ST6GALNAC5: variants seen among roughly 807,000 people sequenced by gnomAD.
ST6GALNAC5 encodes alpha-N-acetylgalactosaminide alpha-2,6-sialyltransferase 5.
Under a neutral mutation model 33.6 loss-of-function variants are expected in ST6GALNAC5, and 27 were observed. The observed-to-expected ratio is 0.80, with a 90% CI of 0.59 to 1.11. The LOEUF (loss-of-function observed/expected upper bound fraction) is 1.11, where lower values mean the gene tolerates loss of function less well. Among genes scored for constraint, ST6GALNAC5 ranks in the 50% least tolerant of loss-of-function variants. The probability of loss-of-function intolerance (pLI) is 0.00; values close to 1 mark genes in which losing one functional copy is unlikely to be tolerated. For missense variants in ST6GALNAC5, 428 were observed against 454.0 expected (o/e 0.94, Z 0.52); for synonymous variants, 194 against 171.2 (o/e 1.13, Z -1.04).
At chr1:76,957,328 A>G (rs896184585) in intron 2 of ST6GALNAC5, among the ~76,000 whole-genome samples, 4 of 152,128 alleles carry the variant, frequency 2.6e-5, no homozygotes, top group South Asian at 2.1e-4. Context: ...TTGACATCAC[A>G]TGGCACTTGG....
At chr1:76,897,627 G>A (rs1422489922) in intron 2 of ST6GALNAC5, among the ~76,000 whole-genome samples, 3 of 149,560 alleles carry the variant, frequency 2.0e-5, no homozygotes, top group South Asian at 2.1e-4. Context: ...AAGGTGGGGG[G>A]ATACAAGAGG....
intron 2 of ST6GALNAC5, among the ~76,000 whole-genome samples, chr1:76,891,945 G>A (rs764084015): frequency 1.2e-4 from 18 of 152,154 alleles, no homozygotes; most frequent in Admixed American, 2.6e-4. Context: ...GGCATCATAT[G>A]TACTTACAAG....
intron 4 of ST6GALNAC5, among the ~76,000 whole-genome samples, chr1:77,051,729 G>T (rs567996547): frequency 6.6e-6 from 1 of 152,238 alleles, no homozygotes; most frequent in East Asian, 1.9e-4. Context: ...TACACAAAAA[G>T]TAAGTAGAAT....
Position 76,867,528 on chromosome 1 carries a change from C to T in ST6GALNAC5, c.-148C>T. ...CTGCAACAGCCGCGCTTCCCGGGTC[C>T]CGCGGCTCCCGCGCGCGATCTGCCG... On this transcript the variant is annotated 5_prime_UTR_variant, in exon 1 of 5. Transcript: ENST00000477717. 1 of 1,235,588 alleles carries T rather than the reference C, an allele frequency of 8.1e-7. No homozygotes were observed. The highest frequency in any genetic ancestry group is 2.3e-5 in the East Asian group (1 of 43,028). The allele number at this position is 1,235,588 out of a possible 1,614,324, so 76.5% of individuals were successfully genotyped here. A position where few individuals can be genotyped will look rare whatever the true frequency, so the allele number is the denominator to read the frequency against.
At chr1:76,913,186 T>C (rs1212466287) in intron 2 of ST6GALNAC5, among the ~76,000 whole-genome samples, 1 of 151,412 alleles carries the variant, frequency 6.6e-6, no homozygotes, top group African/African-American at 2.4e-5. Flanking sequence ...GAAGCTTAGT[T>C]TGGCTGGATA....
intron 2 of ST6GALNAC5, among the ~76,000 whole-genome samples, chr1:77,017,432 G>GGCAA (rs1650892786): frequency 6.6e-6 from 1 of 152,106 alleles, no homozygotes; most frequent in Non-Finnish European, 1.5e-5. Flanking sequence ...GCTCTCCATG[G>GGCAA]GCAAGGCTGG....
chr1:76,999,500 A>G (rs1318165292), intron 2 of ST6GALNAC5, among the ~76,000 whole-genome samples: 6 of 151,214 alleles, frequency 4.0e-5, no homozygotes, highest in Admixed American at 4.0e-4. Context: ...TTTTTTTTCA[A>G]TTATTATACT....
chr1:77,056,073 C>A (rs1050012607), intron 4 of ST6GALNAC5, among the ~76,000 whole-genome samples: 5 of 152,320 alleles, frequency 3.3e-5, no homozygotes, highest in Middle Eastern at 3.4e-3. Context: ...GGGGCTCAGG[C>A]ATCAGCCCCC....
At chr1:76,892,043 C>T (rs1654024914) in intron 2 of ST6GALNAC5, among the ~76,000 whole-genome samples, 1 of 152,172 alleles carries the variant, frequency 6.6e-6, no homozygotes, top group Non-Finnish European at 1.5e-5. Context: ...GATGACTGTG[C>T]AGCCGAGAAT....
intron 2 of ST6GALNAC5, among the ~76,000 whole-genome samples, chr1:77,042,553 C>T (rs1376189185): frequency 2.6e-5 from 4 of 152,208 alleles, no homozygotes; most frequent in Admixed American, 2.0e-4. Context: ...CTGCTGATAT[C>T]GTGAGTACTT....
intron 2 of ST6GALNAC5, among the ~76,000 whole-genome samples, chr1:77,036,285 T>C (rs1313973037): frequency 6.6e-6 from 1 of 152,226 alleles, no homozygotes; most frequent in African/African-American, 2.4e-5. Flanking sequence ...TGACTATAAA[T>C]GGACATGAGA....
intron 2 of ST6GALNAC5, among the ~76,000 whole-genome samples, chr1:76,869,676 T>C (rs1269085023): frequency 6.6e-6 from 1 of 152,228 alleles, no homozygotes; most frequent in Non-Finnish European, 1.5e-5. Context: ...GCTCCTTTTG[T>C]GTGCAAAGGT....
At chr1:76,937,300 T>A (rs923236656) in intron 2 of ST6GALNAC5, among the ~76,000 whole-genome samples, 2 of 151,920 alleles carry the variant, frequency 1.3e-5, no homozygotes, top group Non-Finnish European at 2.9e-5. Context: ...TTTTGCAAAA[T>A]CACACAGTAA....
At chr1:77,019,306 T>A (rs537704951) in intron 2 of ST6GALNAC5, among the ~76,000 whole-genome samples, 8 of 152,348 alleles carry the variant, frequency 5.3e-5, no homozygotes, top group Admixed American at 4.6e-4. Flanking sequence ...TGCAGGGCAG[T>A]GCACTTTGTC....
At chr1:76,874,682 C>T (rs1333107423) in intron 2 of ST6GALNAC5, among the ~76,000 whole-genome samples, 1 of 152,174 alleles carries the variant, frequency 6.6e-6, no homozygotes, top group Admixed American at 6.5e-5. Context: ...AGATTGTGCT[C>T]ATGAGATTAA....
intron 2 of ST6GALNAC5, among the ~76,000 whole-genome samples, chr1:76,887,979 C>T (rs1000695839): frequency 7.9e-5 from 12 of 152,126 alleles, no homozygotes; most frequent in African/African-American, 2.2e-4. Flanking sequence ...TTCTTAGCTG[C>T]GGTAAAACCT....
At chr1:76,932,063 T>C (rs1365134973) in intron 2 of ST6GALNAC5, among the ~76,000 whole-genome samples, 4 of 152,170 alleles carry the variant, frequency 2.6e-5, no homozygotes, top group Non-Finnish European at 4.4e-5. Flanking sequence ...GGAGTGGAAG[T>C]TGGATTTCAG....
chr1:77,010,111 G>A (rs900588394), intron 2 of ST6GALNAC5, among the ~76,000 whole-genome samples: 12 of 152,186 alleles, frequency 7.9e-5, no homozygotes, highest in African/African-American at 2.7e-4. Context: ...TACTGTGTCT[G>A]TCTTATCCAG....
chr1:76,966,077 C>A (rs1648462273), intron 2 of ST6GALNAC5, among the ~76,000 whole-genome samples: 1 of 152,126 alleles, frequency 6.6e-6, no homozygotes, highest in South Asian at 2.1e-4. Context: ...TTAGGATTGT[C>A]TTGGCAATGT....
Sources: allele counts gnomAD v4.1 joint callset (sites outside exome capture counted in the v4.1 genomes callset), GRCh38; gene constraint gnomAD v4.1.1; transcripts MANE v1.5; gene names NCBI Gene and HGNC (gene_info 2026-07-23, HGNC 2026-07-21).